Variants in ZBTB20 observed in about 807,000 individuals in gnomAD.
ZBTB20 encodes the protein zinc finger and BTB domain-containing protein 20.
A neutral mutation model predicts 56.9 loss-of-function variants in ZBTB20; 9 were observed. The ratio of observed to expected loss-of-function variants is 0.16; its 90% confidence interval spans 0.10 to 0.28. ZBTB20 has a LOEUF of 0.28. Ranked by LOEUF, ZBTB20 falls within the 10% of genes least tolerant of loss-of-function variation. The pLI, the probability that ZBTB20 is intolerant of heterozygous loss-of-function variation, is 1.00. For missense variants in ZBTB20, 655 were observed against 1,003.0 expected (o/e 0.65, Z 4.69); for synonymous variants, 417 against 420.7 (o/e 0.99, Z 0.11).
intron 7 of ZBTB20, among the ~76,000 whole-genome samples, chr3:114,449,285 C>G (rs1325562466): frequency 6.6e-6 from 1 of 152,062 alleles, no homozygotes; most frequent in Non-Finnish European, 1.5e-5. Flanking sequence ...TCAAGGATAA[C>G]TATGAGAAAT....
chr3:114,792,877 T>TTTTTC (rs1491241593), intron 5 of ZBTB20, among the ~76,000 whole-genome samples: 1 of 878 alleles, frequency 1.1e-3, no homozygotes, highest in Non-Finnish European at 5.4e-3. Context: ...TTTCTTTTTC[T>TTTTTC]TTTTTTTTTT....
At chr3:115,140,318 C>A (rs1165365022) in intron 1 of ZBTB20, among the ~76,000 whole-genome samples, 1 of 152,122 alleles carries the variant, frequency 6.6e-6, no homozygotes, top group East Asian at 1.9e-4. Context: ...TAGATATTGT[C>A]CCCAAGTTAA....
At position 114,748,380 on chromosome 3, in the gene ZBTB20, T is replaced by TCTCTCTCTC. The variant is rs1277740782; in HGVS notation, c.-343+52720_-343+52721insGAGAGAGAG. 3.9e-4 allele frequency among the ~76,000 whole-genome samples: 14 copies of TCTCTCTCTC among 36,136 alleles called. 1 individual carries two copies. Among genetic ancestry groups the TCTCTCTCTC allele is most frequent in the African/African-American group, 6.1e-4 (12 of 19,636 alleles). The allele number at this position is 36,136 out of a possible 152,430, so 23.7% of individuals were successfully genotyped here. ...TCTCTCTCTCTCTCTCTCTCTCTCT[T>TCTCTCTCTC]TCTTTCTTTTGGCTTTGTTGTAGCT... On this transcript the variant is annotated intron_variant, in intron 5 of 11. Transcript: ENST00000675478.
At chr3:114,358,466 G>T (rs2081471911) in intron 10 of ZBTB20, among the ~76,000 whole-genome samples, 1 of 152,194 alleles carries the variant, frequency 6.6e-6, no homozygotes. Context: ...GCTGAGAATA[G>T]ATTTACAGTA....
chr3:114,320,002 T>A lies in ZBTB20; in HGVS notation c.*19003A>T, dbSNP rs745725707. On this transcript the variant is annotated 3_prime_UTR_variant, in exon 12 of 12. Coordinates refer to ENST00000675478, the MANE Select transcript of ZBTB20 (RefSeq NM_001348800.3). ...TCCATACTTTCTTCCACATTTAACCTGTTTGGGCATTAATTGCAATAATGA... is the reference window on the plus strand; with the variant it reads ...TCCATACTTTCTTCCACATTTAACCAGTTTGGGCATTAATTGCAATAATGA... The A allele has an allele frequency of 6.6e-6, 1 of 152,176 alleles. No individual in the cohort carries two copies. Among genetic ancestry groups the A allele is most frequent in the Non-Finnish European group, 1.5e-5 (1 of 68,018 alleles). 9.4% of individuals were successfully genotyped at this position (152,176 alleles called of 1,614,324 possible). A position where few individuals can be genotyped will look rare whatever the true frequency, so the allele number is the denominator to read the frequency against.
intron 6 of ZBTB20, among the ~76,000 whole-genome samples, chr3:114,513,713 T>C (rs376302379): frequency 3.9e-4 from 59 of 152,242 alleles, no homozygotes; most frequent in African/African-American, 1.4e-3. Context: ...AAACCAAACC[T>C]AAAAGCAGTC....
rs79804584 is a variant in ZBTB20 at position 115,040,728 on chromosome 3, A to G, written c.-507+30491T>C. ...AGAAATGTTTTCAAGTAGAAAGGTA[A>G]CATGGTTACATTTGCATTTTAGACA... On this transcript the variant is annotated intron_variant, in intron 2 of 11. Coordinates refer to ENST00000675478, the MANE Select transcript of ZBTB20 (RefSeq NM_001348800.3). Among the ~76,000 whole-genome samples, 416 of 152,254 alleles carry G rather than the reference A, an allele frequency of 2.7e-3. 5 individuals carry two copies. Among genetic ancestry groups the G allele is most frequent in the East Asian group, 0.014 (73 of 5,184 alleles).
chr3:114,543,085 C>T (rs1045981286), intron 6 of ZBTB20, among the ~76,000 whole-genome samples: 3 of 151,978 alleles, frequency 2.0e-5, no homozygotes, highest in African/African-American at 7.2e-5. Context: ...CTAAGACTTG[C>T]AGATGCTCAA....
intron 1 of ZBTB20, among the ~76,000 whole-genome samples, chr3:115,114,714 T>C (rs1054445840): frequency 2.0e-5 from 3 of 151,688 alleles, no homozygotes; most frequent in Admixed American, 2.0e-4. Context: ...TGAAAAGAAT[T>C]ACAAACATTC....
At chr3:114,625,073 AG>A (rs1255906671) in intron 6 of ZBTB20, 3 of 152,920 alleles carry the variant, frequency 2.0e-5, no homozygotes, top group Non-Finnish European at 4.4e-5. Flanking sequence ...CTGGAATAGC[AG>A]GGGGGTTTAG....
In ZBTB20 at chr3:115,047,782, A is replaced by G. The variant is rs372271955; in HGVS notation, c.-507+23437T>C. 1.7e-3 allele frequency among the ~76,000 whole-genome samples: 259 copies of G among 152,312 alleles called. 1 individual carries two copies. The highest frequency in any genetic ancestry group is 6.0e-3 in the African/African-American group (249 of 41,584). On this transcript the variant is annotated intron_variant, in intron 2 of 11. Coordinates refer to ENST00000675478, the MANE Select transcript of ZBTB20 (RefSeq NM_001348800.3). ...TAATTGGTGGTGAACAGCTTTCACT[A>G]TAGTAAAGTTAACTTTATGTATAAC...
In ZBTB20 at chr3:114,702,730, G is replaced by A. The variant is rs181325816; in HGVS notation, c.-342-9155C>T. 1.2e-3 allele frequency among the ~76,000 whole-genome samples: 178 copies of A among 149,978 alleles called. 3 individuals are homozygous for A. Among genetic ancestry groups the A allele is most frequent in the African/African-American group, 4.2e-3 (172 of 40,792 alleles). On this transcript the variant is annotated intron_variant, in intron 5 of 11. Coordinates refer to ENST00000675478, the MANE Select transcript of ZBTB20 (RefSeq NM_001348800.3). ...GACTTTTACTATGTTATTTTGGCAA[G>A]TGATTATTTTTCTAAAATCTTTGCT...
At chr3:114,354,094 T>G (rs2080966238) in intron 10 of ZBTB20, among the ~76,000 whole-genome samples, 1 of 152,212 alleles carries the variant, frequency 6.6e-6, no homozygotes, top group Non-Finnish European at 1.5e-5. Context: ...TAGTGTGGCT[T>G]TTATGTTTTT....
chr3:115,000,094 A>G (rs911858580), intron 2 of ZBTB20, among the ~76,000 whole-genome samples: 11 of 151,628 alleles, frequency 7.3e-5, no homozygotes, highest in Admixed American at 5.3e-4. Flanking sequence ...GCTATTTACC[A>G]TATGAGATCC....
chr3:114,969,991 A>C (rs1475155640), intron 3 of ZBTB20, among the ~76,000 whole-genome samples: 2 of 152,252 alleles, frequency 1.3e-5, no homozygotes, highest in Admixed American at 1.3e-4. Context: ...GAAAAGCATT[A>C]TCTTTCTTGT....
intron 3 of ZBTB20, among the ~76,000 whole-genome samples, chr3:114,947,613 T>C (rs1166000915): frequency 6.9e-6 from 1 of 145,348 alleles, no homozygotes; most frequent in African/African-American, 2.8e-5. Flanking sequence ...GTGTACACAT[T>C]GACATAGAGG....
chr3:114,995,099 T>C (rs1469956982), intron 2 of ZBTB20, among the ~76,000 whole-genome samples: 1 of 151,880 alleles, frequency 6.6e-6, no homozygotes, highest in Non-Finnish European at 1.5e-5. Context: ...AATGAAAATA[T>C]AAAAATAGTA....
chr3:114,933,872 T>TC, intron 3 of ZBTB20, among the ~76,000 whole-genome samples: 1 of 152,088 alleles, frequency 6.6e-6, no homozygotes, highest in Non-Finnish European at 1.5e-5. Context: ...CACCTACCCC[T>TC]CCCCCTTCGG....
chr3:114,520,842 C>G (rs766221975), intron 6 of ZBTB20, among the ~76,000 whole-genome samples: 1 of 152,100 alleles, frequency 6.6e-6, no homozygotes, highest in Non-Finnish European at 1.5e-5. Flanking sequence ...CTTTCTCTTC[C>G]TCCTATGTTC....
Sources: allele counts gnomAD v4.1 joint callset (sites outside exome capture counted in the v4.1 genomes callset), GRCh38; gene constraint gnomAD v4.1.1; transcripts MANE v1.5; gene names NCBI Gene and HGNC (gene_info 2026-07-23, HGNC 2026-07-21).